The following TLR5 variants were observed in gnomAD, a reference collection of about 807,000 sequenced individuals.
TLR5 encodes toll like receptor 5.
For synonymous variants in TLR5, 373 were observed against 384.4 expected (o/e 0.97, Z 0.35); for missense variants, 944 against 999.8 (o/e 0.94, Z 0.75).
At position 223,141,113 on chromosome 1, in the gene TLR5, T is replaced by C. The variant is rs573446169; in HGVS notation, c.-439+535A>G. 3.3e-5 allele frequency among the ~76,000 whole-genome samples: 5 copies of C among 152,374 alleles called. No individual in the cohort carries two copies. In the East Asian group the frequency reaches 9.6e-4, roughly 29 times the overall value. On this transcript the variant is annotated intron_variant, in intron 2 of 5. Coordinates refer to ENST00000642603, the MANE Select transcript of TLR5 (RefSeq NM_003268.6). Reference sequence around the variant, plus strand: ...TAAGAGTGAAACAAACACATCTGGATGCAGTAACTGGACATTCCAGTGCTG... The same window carrying C: ...TAAGAGTGAAACAAACACATCTGGACGCAGTAACTGGACATTCCAGTGCTG...
chr1:223,112,709 T>C lies in TLR5; in HGVS notation c.323A>G (p.Tyr108Cys), dbSNP rs779872720. The change falls in exon 6 of 6, where the codon TAC (tyrosine) becomes TGC (cysteine). Residue 108 changes from tyrosine to cysteine, a missense_variant. Tyr to Cys is a radical substitution (Grantham distance 194). Transcript: ENST00000642603. Reference sequence around the variant, plus strand: ...CTGAAAAGCATCTGGATGCAAGAAGTATATCTTACTACTTCCCAGGTCCAA... The same window carrying C: ...CTGAAAAGCATCTGGATGCAAGAAGCATATCTTACTACTTCCCAGGTCCAA... ...RILDLGSSKI[Y>C]FLHPDAFQGL... is the part of the protein sequence containing the mutation. 9.3e-6 allele frequency: 15 copies of C among 1,614,080 alleles called. No individual in the cohort carries two copies. Among genetic ancestry groups the C allele is most frequent in the Non-Finnish European group, 1.3e-5 (15 of 1,180,046 alleles).
intron 5 of TLR5, among the ~76,000 whole-genome samples, chr1:223,120,107 A>G (rs543763299): frequency 4.6e-5 from 7 of 151,800 alleles, no homozygotes; most frequent in Non-Finnish European, 8.8e-5. Context: ...ATATTTTGAG[A>G]GGGCGCTGCA....
chr1:223,112,710 ATATCT>A lies in TLR5; in HGVS notation c.317_321del (p.Lys106IlefsTer16). ...TGAAAAGCATCTGGATGCAAGAAGT[ATATCT>A]TACTACTTCCCAGGTCCAAGATTCT... On this transcript the variant is annotated frameshift_variant, in exon 6 of 6. Coordinates refer to ENST00000642603, the MANE Select transcript of TLR5 (RefSeq NM_003268.6). LOFTEE classifies it low-confidence loss of function (END_TRUNC). The A allele has an allele frequency of 6.2e-7, 1 of 1,614,244 alleles. No homozygotes were observed. The highest frequency in any genetic ancestry group is 1.1e-5 in the South Asian group (1 of 91,088).
At position 223,110,354 on chromosome 1, in the gene TLR5, A is replaced by G. The variant is rs903939088; in HGVS notation, c.*101T>C. 6 of 1,306,894 alleles carry G rather than the reference A, an allele frequency of 4.6e-6. No individual in the cohort carries two copies. In the Admixed American group the frequency reaches 1.1e-4, roughly 23 times the overall value. The allele number at this position is 1,306,894 out of a possible 1,614,324, so 81.0% of individuals were successfully genotyped here. On this transcript the variant is annotated 3_prime_UTR_variant, in exon 6 of 6. Coordinates refer to ENST00000642603, the MANE Select transcript of TLR5 (RefSeq NM_003268.6). ...TGTTGTTTTCATAGTAGCAAAAAGA[A>G]AAAAAAAACCTCCAGAGAGGACCCC...
At position 223,110,295 on chromosome 1, in the gene TLR5, G is replaced by C. The variant is rs1656249991; in HGVS notation, c.*160C>G. ...TTTCCATTTGGAGGTTAGTGAGACA[G>C]AACATGGTGTTGATACGAAAATTGA... On this transcript the variant is annotated 3_prime_UTR_variant, in exon 6 of 6. Transcript: ENST00000642603. 12 of 718,960 alleles carry C rather than the reference G, an allele frequency of 1.7e-5. No homozygotes were observed. The South Asian group carries it at 2.2e-4, about 13-fold the overall frequency. The allele number at this position is 718,960 out of a possible 1,614,324, so 44.5% of individuals were successfully genotyped here. A position where few individuals can be genotyped will look rare whatever the true frequency, so the allele number is the denominator to read the frequency against.
chr1:223,128,141 G>A (rs1018084138), intron 5 of TLR5: 6 of 152,248 alleles, frequency 3.9e-5, no homozygotes, highest in Non-Finnish European at 7.3e-5. Flanking sequence ...TCCCCACACA[G>A]CTGGGAGCTC....
intron 5 of TLR5, among the ~76,000 whole-genome samples, chr1:223,130,145 T>C (rs567306282): frequency 1.6e-3 from 242 of 152,250 alleles, no homozygotes; most frequent in African/African-American, 5.4e-3. Flanking sequence ...GGAAACAAGC[T>C]GAGTTCTCTG....
chr1:223,110,378 C>G lies in TLR5; in HGVS notation c.*77G>C. 1 of 1,542,714 alleles carries G rather than the reference C, an allele frequency of 6.5e-7. No homozygotes were observed. Among genetic ancestry groups the G allele is most frequent in the Non-Finnish European group, 8.9e-7 (1 of 1,122,496 alleles). Reference sequence around the variant, plus strand: ...AAAAAAAAAACCTCCAGAGAGGACCCCAAAATGATAACTTGGTGCAAATAC... The same window carrying G: ...AAAAAAAAAACCTCCAGAGAGGACCGCAAAATGATAACTTGGTGCAAATAC... On this transcript the variant is annotated 3_prime_UTR_variant, in exon 6 of 6. Coordinates refer to ENST00000642603, the MANE Select transcript of TLR5 (RefSeq NM_003268.6).
Position 223,110,142 on chromosome 1 carries a change from G to C in TLR5, c.*313C>G. The C allele has an allele frequency of 5.5e-6, 2 of 362,440 alleles. No individual in the cohort carries two copies. The highest frequency in any genetic ancestry group is 6.7e-5 in the South Asian group (2 of 29,860). 22.5% of individuals were successfully genotyped at this position (362,440 alleles called of 1,614,324 possible). A position where few individuals can be genotyped will look rare whatever the true frequency, so the allele number is the denominator to read the frequency against. ...AGCCATCTGCAACTTCTCCCAAGGT[G>C]CCCTTCCCATGATTAGGATACATTC... On this transcript the variant is annotated 3_prime_UTR_variant, in exon 6 of 6. Coordinates refer to ENST00000642603, the MANE Select transcript of TLR5 (RefSeq NM_003268.6).
Position 223,110,961 on chromosome 1 carries a change from A to G in TLR5, c.2071T>C (p.Tyr691His), listed in dbSNP as rs1196205460. 2 of 1,614,262 alleles carry G rather than the reference A, an allele frequency of 1.2e-6. No homozygotes were observed. Among genetic ancestry groups the G allele is most frequent in the Non-Finnish European group, 1.7e-6 (2 of 1,180,046 alleles). The change falls in exon 6 of 6, where the codon TAC becomes CAC. Residue 691 changes from tyrosine (Y) to histidine (H), a missense_variant. Tyr to His is a moderately conservative substitution (Grantham distance 83). Coordinates refer to ENST00000642603, the MANE Select transcript of TLR5 (RefSeq NM_003268.6). ...AAGCACAAATAGGCATCATATTTGT[A>G]CATATCAGGTTCTGTGCCCTGGGGA... is the stretch of plus-strand genomic sequence containing the variant. The part of the protein sequence containing the change: ...DHPQGTEPDM[Y>H]KYDAYLCFSS...
In TLR5 at chr1:223,110,595, G is replaced by T; in HGVS notation, c.2437C>A (p.Gln813Lys). 1 of 1,614,172 alleles carries T rather than the reference G, an allele frequency of 6.2e-7. No homozygotes were observed. The highest frequency in any genetic ancestry group is 1.1e-5 in the South Asian group (1 of 91,088). ...TCCTCAGGCCACCTCAAATACTGCTGTTTCTGTACAAAGCCTCTGATGGAT... is the reference window on the plus strand; with the variant it reads ...TCCTCAGGCCACCTCAAATACTGCTTTTTCTGTACAAAGCCTCTGATGGAT... Reference protein sequence around the residue: ...HQSIRGFVQKQQYLRWPEDLQ... With the variant: ...HQSIRGFVQKKQYLRWPEDLQ... Residue 813 changes from glutamine to lysine, a missense_variant, in exon 6 of 6, where the codon CAG becomes AAG. Coordinates refer to ENST00000642603, the MANE Select transcript of TLR5 (RefSeq NM_003268.6).
chr1:223,113,109 G>A, intron 5 of TLR5, 74 bp from the exon 6 acceptor site: 2 of 1,442,424 alleles, frequency 1.4e-6, no homozygotes, highest in South Asian at 1.2e-5. Context: ...TCAGATCTTG[G>A]GGGTATTCTC....
At position 223,111,938 on chromosome 1, in the gene TLR5, A is replaced by G. The variant is rs772726477; in HGVS notation, c.1094T>C (p.Ile365Thr). The G allele has an allele frequency of 3.1e-6, 5 of 1,614,186 alleles. No individual in the cohort carries two copies. The highest frequency in any genetic ancestry group is 2.2e-5 in the South Asian group (2 of 91,086). The stretch of plus-strand genomic sequence containing the variant: ...TGCAATGTGATTCTTTTGCAAATCA[A>G]TGTAGGCTACCTTAGGTAGTCCATA... Reference protein sequence around the residue: ...NFYGLPKVAYIDLQKNHIAII... With the variant: ...NFYGLPKVAYTDLQKNHIAII... The change falls in exon 6 of 6, where the codon ATT (isoleucine) becomes ACT (threonine). Residue 365 changes from isoleucine (I) to threonine (T), a missense_variant. By Grantham distance (89) the Ile-to-Thr change is moderately conservative. Coordinates refer to ENST00000642603, the MANE Select transcript of TLR5 (RefSeq NM_003268.6).
At chr1:223,130,133 A>T (rs1218505479) in intron 5 of TLR5, among the ~76,000 whole-genome samples, 1 of 152,178 alleles carries the variant, frequency 6.6e-6, no homozygotes, top group East Asian at 1.9e-4. Context: ...CCCTGTCAGG[A>T]TGGAAACAAG....
intron 3 of TLR5, among the ~76,000 whole-genome samples, chr1:223,136,724 G>A (rs1315411793): frequency 6.6e-6 from 1 of 152,216 alleles, no homozygotes; most frequent in Non-Finnish European, 1.5e-5. Flanking sequence ...GGATGGTTAT[G>A]AAGAGTAAAT....
At chr1:223,141,808 T>G (rs866294911) in intron 1 of TLR5, 45 bp from the exon 2 acceptor site, 12 of 82,144 alleles carry the variant, frequency 1.5e-4, no homozygotes, top group African/African-American at 6.0e-4. Flanking sequence ...TATATATATA[T>G]ATATATATAT....
intron 5 of TLR5, among the ~76,000 whole-genome samples, chr1:223,132,182 G>A (rs1657418120): frequency 6.6e-6 from 1 of 152,062 alleles, no homozygotes; most frequent in Non-Finnish European, 1.5e-5. Flanking sequence ...GGGCCACATA[G>A]TGAGACCTTG....
At chr1:223,123,317 C>G (rs1008500924) in intron 5 of TLR5, among the ~76,000 whole-genome samples, 4 of 152,166 alleles carry the variant, frequency 2.6e-5, no homozygotes, top group African/African-American at 9.7e-5. Flanking sequence ...TGCCACCAAA[C>G]TGGGTGACCT....
intron 2 of TLR5, among the ~76,000 whole-genome samples, chr1:223,137,936 G>T (rs1657675855): frequency 7.7e-6 from 1 of 129,416 alleles, no homozygotes; most frequent in African/African-American, 3.0e-5. Context: ...ACCTCCTCAG[G>T]TCTGGCTTTT....
Sources: allele counts gnomAD v4.1 joint callset (sites outside exome capture counted in the v4.1 genomes callset), GRCh38; gene constraint gnomAD v4.1.1; transcripts MANE v1.5; gene names NCBI Gene and HGNC (gene_info 2026-07-23, HGNC 2026-07-21).